Variants in CHRM3 observed in about 807,000 individuals in gnomAD.
The protein encoded by CHRM3 is muscarinic acetylcholine receptor M3.
Under a neutral mutation model 41.8 loss-of-function variants are expected in CHRM3, and 11 were observed. The observed-to-expected ratio is 0.26, with a 90% CI of 0.17 to 0.44. The LOEUF is 0.44. Ranked by LOEUF, CHRM3 falls within the 20% of genes least tolerant of loss-of-function variation. The probability of loss-of-function intolerance (pLI) is 1.00; values close to 1 mark genes in which losing one functional copy is unlikely to be tolerated. For synonymous variants in CHRM3, 297 were observed against 301.4 expected (o/e 0.99, Z 0.15); for missense variants, 571 against 745.4 (o/e 0.77, Z 2.72).
intron 1 of CHRM3, among the ~76,000 whole-genome samples, chr1:239,431,523 A>G (rs1662832608): frequency 6.6e-6 from 1 of 152,208 alleles, no homozygotes; most frequent in Non-Finnish European, 1.5e-5. Context: ...TGGAACAAAA[A>G]TAAACCCAGT....
In CHRM3 at chr1:239,848,569, C is replaced by A. The variant is rs556455278; in HGVS notation, c.-20+21191C>A. On this transcript the variant is annotated intron_variant, in intron 6 of 6. Transcript: ENST00000676153. The stretch of plus-strand genomic sequence containing the variant: ...ATCCTCATATTTTATCCCCATTTTT[C>A]AAATGGAAATTGAGGCACAGACAGG... Among the ~76,000 whole-genome samples, 6 of 152,006 alleles carry A rather than the reference C, an allele frequency of 3.9e-5. No individual in the cohort carries two copies. In the South Asian group the frequency reaches 1.2e-3, roughly 31 times the overall value.
chr1:239,445,806 G>T (rs1664082705), intron 1 of CHRM3, among the ~76,000 whole-genome samples: 1 of 152,156 alleles, frequency 6.6e-6, no homozygotes, highest in African/African-American at 2.4e-5. Context: ...CAGCAGGGGT[G>T]AATCCAGAGA....
chr1:239,568,543 G>A (rs1308611726), intron 3 of CHRM3, among the ~76,000 whole-genome samples: 2 of 152,024 alleles, frequency 1.3e-5, no homozygotes, highest in African/African-American at 4.8e-5. Context: ...GTGATCAGCA[G>A]TGTGAAAACA....
chr1:239,823,765 C>T (rs1013639134), intron 5 of CHRM3, among the ~76,000 whole-genome samples: 18 of 151,786 alleles, frequency 1.2e-4, no homozygotes, highest in Non-Finnish European at 1.6e-4. Context: ...AACAGAAGAC[C>T]CTTTTGTGGT....
intron 5 of CHRM3, among the ~76,000 whole-genome samples, chr1:239,698,566 T>G (rs1660401565): frequency 6.6e-6 from 1 of 152,202 alleles, no homozygotes; most frequent in Non-Finnish European, 1.5e-5. Context: ...GACTATTAAA[T>G]TGATCAGCAG....
chr1:239,762,195 T>C (rs1295498663), intron 5 of CHRM3, among the ~76,000 whole-genome samples: 2 of 152,208 alleles, frequency 1.3e-5, no homozygotes, highest in South Asian at 2.1e-4. Flanking sequence ...TTTCATCTCC[T>C]TTAATACTAG....
chr1:239,493,123 G>T (rs1027789399), intron 2 of CHRM3, among the ~76,000 whole-genome samples: 2 of 152,088 alleles, frequency 1.3e-5, no homozygotes, highest in Non-Finnish European at 1.5e-5. Flanking sequence ...AAAGATTTTT[G>T]CAAGGAAAAA....
At chr1:239,488,785 G>T (rs1667364337) in intron 1 of CHRM3, among the ~76,000 whole-genome samples, 1 of 139,996 alleles carries the variant, frequency 7.1e-6, no homozygotes, top group African/African-American at 2.7e-5. Flanking sequence ...GTTGATACAG[G>T]TATAAGACAT....
chr1:239,500,847 C>G (rs1259144354), intron 2 of CHRM3, among the ~76,000 whole-genome samples: 2 of 152,124 alleles, frequency 1.3e-5, no homozygotes, highest in African/African-American at 4.8e-5. Flanking sequence ...ACAGAATGGA[C>G]AAGAACTCAC....
intron 2 of CHRM3, among the ~76,000 whole-genome samples, chr1:239,530,769 G>A (rs1670349210): frequency 6.6e-6 from 1 of 152,072 alleles, no homozygotes; most frequent in Admixed American, 6.6e-5. Flanking sequence ...CTTGAAGATT[G>A]ATGAATAGCA....
At chr1:239,851,918 C>T (rs1179394662) in intron 6 of CHRM3, among the ~76,000 whole-genome samples, 1 of 152,108 alleles carries the variant, frequency 6.6e-6, no homozygotes, top group Non-Finnish European at 1.5e-5. Context: ...CGCCCAGGAG[C>T]TTATTAGAGG....
chr1:239,429,755 G>A (rs1458484233), intron 1 of CHRM3, among the ~76,000 whole-genome samples: 1 of 144,132 alleles, frequency 6.9e-6, no homozygotes, highest in African/African-American at 2.5e-5. Flanking sequence ...CCTTCTGTTA[G>A]TATATTTTGT....
At chr1:239,789,550 G>C (rs1669176257) in intron 5 of CHRM3, among the ~76,000 whole-genome samples, 1 of 152,176 alleles carries the variant, frequency 6.6e-6, no homozygotes, top group African/African-American at 2.4e-5. Context: ...TCCACTCATG[G>C]AGGAAGGTGA....
At chr1:239,788,912 G>A (rs971722310) in intron 5 of CHRM3, among the ~76,000 whole-genome samples, 1 of 152,160 alleles carries the variant, frequency 6.6e-6, no homozygotes, top group Non-Finnish European at 1.5e-5. Context: ...TATTTAATGT[G>A]TATTAGTTAT....
chr1:239,474,642 T>G (rs1424298314), intron 1 of CHRM3, among the ~76,000 whole-genome samples: 2 of 152,052 alleles, frequency 1.3e-5, no homozygotes, highest in African/African-American at 2.4e-5. Context: ...AAGACAGCTT[T>G]GAGAAGTAAT....
intron 1 of CHRM3, among the ~76,000 whole-genome samples, chr1:239,491,384 T>C (rs1480438189): frequency 6.6e-6 from 1 of 152,216 alleles, no homozygotes; most frequent in Non-Finnish European, 1.5e-5. Flanking sequence ...ACTGTTCTAT[T>C]CTATAGGTCT....
At chr1:239,579,211 C>T (rs1399802969) in intron 3 of CHRM3, among the ~76,000 whole-genome samples, 1 of 152,120 alleles carries the variant, frequency 6.6e-6, no homozygotes, top group South Asian at 2.1e-4. Context: ...CCTTTGGTTA[C>T]CAATCTACTA....
chr1:239,746,150 A>G (rs912502227), intron 5 of CHRM3, among the ~76,000 whole-genome samples: 1 of 152,224 alleles, frequency 6.6e-6, no homozygotes, highest in African/African-American at 2.4e-5. Context: ...TTCATTGTGG[A>G]AAACCAATGG....
intron 3 of CHRM3, among the ~76,000 whole-genome samples, chr1:239,553,405 T>C (rs1449218703): frequency 2.6e-5 from 4 of 152,088 alleles, no homozygotes; most frequent in Non-Finnish European, 5.9e-5. Context: ...TGAGAATCTA[T>C]ATCTATTTGG....
Sources: allele counts gnomAD v4.1 joint callset (sites outside exome capture counted in the v4.1 genomes callset), GRCh38; gene constraint gnomAD v4.1.1; transcripts MANE v1.5; gene names NCBI Gene and HGNC (gene_info 2026-07-23, HGNC 2026-07-21).